Variants in ODAD3 observed in about 807,000 individuals in gnomAD.
The protein encoded by ODAD3 is outer dynein arm docking complex subunit 3.
A neutral mutation model predicts 70.9 loss-of-function variants in ODAD3; 57 were observed. The observed-to-expected ratio is 0.80, with a 90% CI of 0.65 to 1.00. The LOEUF (loss-of-function observed/expected upper bound fraction) is 1.00. Ranked by LOEUF, ODAD3 falls within the 50% of genes least tolerant of loss-of-function variation. The pLI is 0.00. For synonymous variants in ODAD3, 327 were observed against 315.9 expected (o/e 1.04, Z -0.37); for missense variants, 797 against 763.9 (o/e 1.04, Z -0.51).
At position 11,427,483 on chromosome 19, in the gene ODAD3, C is replaced by CT. The variant is rs376645668; in HGVS notation, c.445-444dup. Among the ~76,000 whole-genome samples, 309 of 108,426 alleles carry CT rather than the reference C, an allele frequency of 2.8e-3. 1 individual carries two copies. The highest frequency in any genetic ancestry group is 9.4e-3 in the African/African-American group (276 of 29,410). 71.1% of individuals were successfully genotyped at this position (108,426 alleles called of 152,430 possible). A position where few individuals can be genotyped will look rare whatever the true frequency, so the allele number is the denominator to read the frequency against. ...CTAATTTTTGTTTTTGTTTTCTTTTCTTTTTTTTTTTTTTTTGAAACGGAG... is the reference window on the plus strand; with the variant it reads ...CTAATTTTTGTTTTTGTTTTCTTTTCTTTTTTTTTTTTTTTTTGAAACGGAG... On this transcript the variant is annotated intron_variant, in intron 3 of 12. Coordinates refer to ENST00000356392, the MANE Select transcript of ODAD3 (RefSeq NM_145045.5).
rs1160153492 is a variant in ODAD3 at position 11,422,746 on chromosome 19, C to T, written c.1232G>A (p.Arg411Gln). 6.2e-7 allele frequency: 1 copy of T among 1,612,696 alleles called. No individual in the cohort carries two copies. Residue 411 changes from arginine to glutamine, a missense_variant, in exon 9 of 13, where the codon CGG becomes CAG. Physicochemically the swap from Arg to Gln is conservative, Grantham distance 43. Coordinates refer to ENST00000356392, the MANE Select transcript of ODAD3 (RefSeq NM_145045.5). This position sits in a 1 kb window ranked among gnomAD's most constrained non-coding sequence, Gnocchi z 4.6. ...CGAGTACTTGAGGTCTTCCAGCTCC[C>T]GCTGCAGTTGTTGCTTCTCCTGCTT... ...RLKQEKQQLQ[R>Q]ELEDLKYSGE...
Position 11,424,966 on chromosome 19 carries a change from T to C in ODAD3, c.964-937A>G, listed in dbSNP as rs1014988399. On this transcript the variant is annotated intron_variant, in intron 7 of 12. Coordinates refer to ENST00000356392, the MANE Select transcript of ODAD3 (RefSeq NM_145045.5). Reference sequence around the variant, plus strand: ...ATATGTGTATATGTACATATGTGTATATATGTATATATGTGTATATGTACA... The same window carrying C: ...ATATGTGTATATGTACATATGTGTACATATGTATATATGTGTATATGTACA... Among the ~76,000 whole-genome samples, 3 of 121,946 alleles carry C rather than the reference T, an allele frequency of 2.5e-5. No homozygotes were observed. In the South Asian group the frequency reaches 7.3e-4, roughly 30 times the overall value. The allele number at this position is 121,946 out of a possible 152,430, so 80.0% of individuals were successfully genotyped here.
intron 7 of ODAD3, among the ~76,000 whole-genome samples, chr19:11,425,636 T>C (rs1969347380): frequency 7.1e-6 from 1 of 140,220 alleles, no homozygotes; most frequent in Admixed American, 7.0e-5. Flanking sequence ...CATATATGTA[T>C]ATATATGTAT....
chr19:11,425,249 ATGTATATGTACATATGTGTATATG>A (rs1969293686), intron 7 of ODAD3, among the ~76,000 whole-genome samples: 1 of 113,332 alleles, frequency 8.8e-6, no homozygotes, highest in African/African-American at 6.0e-5. Flanking sequence ...ATGTGTATAT[ATGTATATGTACATATGTGTATATG>A]TGTGTATATG....
At chr19:11,425,477 A>G (rs1023561239) in intron 7 of ODAD3, among the ~76,000 whole-genome samples, 6 of 140,418 alleles carry the variant, frequency 4.3e-5, no homozygotes, top group African/African-American at 5.6e-5. Context: ...ATATGTATAT[A>G]TGTGTGTATA....
At chr19:11,424,919 G>A (rs1343295327) in intron 7 of ODAD3, among the ~76,000 whole-genome samples, 19 of 107,104 alleles carry the variant, frequency 1.8e-4, no homozygotes, top group Non-Finnish European at 1.2e-4. Flanking sequence ...ATGTGTATAT[G>A]TACCTATGTG....
At chr19:11,430,220 C>G (rs1969474381) in intron 3 of ODAD3, among the ~76,000 whole-genome samples, 1 of 152,096 alleles carries the variant, frequency 6.6e-6, no homozygotes, top group Admixed American at 6.6e-5. Flanking sequence ...TCACTGCAAC[C>G]TCTGCCTCCC....
intron 7 of ODAD3, among the ~76,000 whole-genome samples, chr19:11,425,666 T>C (rs1372061977): frequency 3.0e-5 from 4 of 133,986 alleles, no homozygotes; most frequent in Admixed American, 7.1e-5. Context: ...TATATATATA[T>C]ATATGCAAAA....
At chr19:11,427,726 C>A (rs927082476) in intron 3 of ODAD3, among the ~76,000 whole-genome samples, 1 of 152,042 alleles carries the variant, frequency 6.6e-6, no homozygotes, top group Non-Finnish European at 1.5e-5. Context: ...AGGTGATCCA[C>A]CTGCCTCGGC....
At position 11,434,872 on chromosome 19, in the gene ODAD3, T is replaced by G. The variant is rs61742088; in HGVS notation, c.145A>C (p.Thr49Pro). 7,914 of 1,614,098 alleles carry G rather than the reference T, an allele frequency of 4.9e-3. 338 individuals carry two copies. In the African/African-American group the frequency reaches 0.09, roughly 18 times the overall value. Reference protein sequence around the residue: ...LRGKGTAQAWTPGRSKGGSFH... With the variant: ...LRGKGTAQAWPPGRSKGGSFH... Reference sequence around the variant, plus strand: ...GATCCTCCCTTGGAACGGCCTGGGGTCCACGCCTGGGCTGTGCCCTTGCCT... The same window carrying G: ...GATCCTCCCTTGGAACGGCCTGGGGGCCACGCCTGGGCTGTGCCCTTGCCT... The change falls in exon 1 of 13, where the codon ACC becomes CCC. Residue 49 changes from threonine to proline, a missense_variant. Transcript: ENST00000356392.
intron 10 of ODAD3, 62 bp from the exon 11 acceptor site, chr19:11,421,894 A>G: frequency 6.5e-7 from 1 of 1,539,576 alleles, no homozygotes; most frequent in Non-Finnish European, 8.7e-7. Flanking sequence ...GGCTCCACCC[A>G]GGGGCGGGGC....
Position 11,423,709 on chromosome 19 carries a change from C to T in ODAD3, c.1116+168G>A, listed in dbSNP as rs539459573. Among the ~76,000 whole-genome samples, 9 of 151,912 alleles carry T rather than the reference C, an allele frequency of 5.9e-5. No homozygotes were observed. The East Asian group carries it at 1.7e-3, about 29-fold the overall frequency. On this transcript the variant is annotated intron_variant, in intron 8 of 12. Coordinates refer to ENST00000356392, the MANE Select transcript of ODAD3 (RefSeq NM_145045.5). Reference sequence around the variant, plus strand: ...GGGCAGCAGAAAAACTGAACGGTAGCTGGAGGGGGAAGGGATGTTTTTCAA... The same window carrying T: ...GGGCAGCAGAAAAACTGAACGGTAGTTGGAGGGGGAAGGGATGTTTTTCAA...
intron 7 of ODAD3, among the ~76,000 whole-genome samples, chr19:11,425,061 G>C (rs923028501): frequency 7.9e-5 from 10 of 126,258 alleles, no homozygotes; most frequent in Admixed American, 6.6e-4. Flanking sequence ...ATGTGTATAT[G>C]TGTATATATG....
chr19:11,427,300 GTT>G (rs775694846), intron 3 of ODAD3, among the ~76,000 whole-genome samples: 1 of 141,740 alleles, frequency 7.1e-6, no homozygotes, highest in Non-Finnish European at 1.5e-5. Context: ...TCTTTCTTTC[GTT>G]TTTTTTTTTT....
Position 11,422,131 on chromosome 19 carries a change from A to G in ODAD3, c.1435-299T>C, listed in dbSNP as rs2144754460. On this transcript the variant is annotated intron_variant, in intron 10 of 12. Coordinates refer to ENST00000356392, the MANE Select transcript of ODAD3 (RefSeq NM_145045.5). This position sits in a 1 kb window ranked among gnomAD's most constrained non-coding sequence, Gnocchi z 4.6. The stretch of plus-strand genomic sequence containing the variant: ...AATGGCCCTCTGCTGCGGGCAGGAT[A>G]GGTCTTCTGTCTCGGGCTGCTCCAG... Among the ~76,000 whole-genome samples, 1 of 152,308 alleles carries G rather than the reference A, an allele frequency of 6.6e-6. No homozygotes were observed. Among genetic ancestry groups the G allele is most frequent in the East Asian group, 1.9e-4 (1 of 5,188 alleles).
In ODAD3 at chr19:11,423,897, T is replaced by C. The variant is rs1411604888; in HGVS notation, c.1096A>G (p.Thr366Ala). Residue 366 changes from threonine (T) to alanine (A), a missense_variant, in exon 8 of 13, where the codon ACT becomes GCT. Thr to Ala is a moderately conservative substitution (Grantham distance 58). Coordinates refer to ENST00000356392, the MANE Select transcript of ODAD3 (RefSeq NM_145045.5). The part of the protein sequence containing the change: ...EVIFGKVKDA[T>A]GTDETHSLVR... Reference sequence around the variant, plus strand: ...CTCACGTGCGTCTCGTCAGTGCCAGTGGCGTCCTTGACCTTGCCAAAGATC... The same window carrying C: ...CTCACGTGCGTCTCGTCAGTGCCAGCGGCGTCCTTGACCTTGCCAAAGATC... 5.6e-6 allele frequency: 9 copies of C among 1,611,938 alleles called. No homozygotes were observed. The highest frequency in any genetic ancestry group is 7.6e-6 in the Non-Finnish European group (9 of 1,179,696).
Position 11,420,902 on chromosome 19 carries a change from G to A in ODAD3, c.1721C>T (p.Ser574Leu), listed in dbSNP as rs1183494834. The A allele has an allele frequency of 5.0e-6, 8 of 1,613,958 alleles. No individual in the cohort carries two copies. The highest frequency in any genetic ancestry group is 5.9e-6 in the Non-Finnish European group (7 of 1,179,966). Residue 574 changes from serine to leucine, a missense_variant, in exon 13 of 13, where the codon TCA becomes TTA. Transcript: ENST00000356392. Reference protein sequence around the residue: ...EEDNEVVTRASLKIRSQKLIE... With the variant: ...EEDNEVVTRALLKIRSQKLIE... ...TAATTTCTGGGAACGGATCTTGAGT[G>A]ATGCGCGGGTCACTACCTCGTTGTC...
chr19:11,433,826 C>T (rs1023959820), intron 1 of ODAD3, among the ~76,000 whole-genome samples: 1 of 152,074 alleles, frequency 6.6e-6, no homozygotes, highest in East Asian at 1.9e-4. Context: ...ACTCAGGAGG[C>T]TGAGGTGGAA....
At position 11,435,026 on chromosome 19, in the gene ODAD3, G is replaced by A; in HGVS notation, c.-10C>T. On this transcript the variant is annotated 5_prime_UTR_variant, in exon 1 of 13. Coordinates refer to ENST00000356392, the MANE Select transcript of ODAD3 (RefSeq NM_145045.5). ...ACAGAGGAGATGTCATGATGGGGTTGGGGCTGAAGGCCCCTAGGGGTTAGG... is the reference window on the plus strand; with the variant it reads ...ACAGAGGAGATGTCATGATGGGGTTAGGGCTGAAGGCCCCTAGGGGTTAGG... 1 of 1,605,536 alleles carries A rather than the reference G, an allele frequency of 6.2e-7. No individual in the cohort carries two copies.
Sources: allele counts gnomAD v4.1 joint callset (sites outside exome capture counted in the v4.1 genomes callset), GRCh38; gene constraint gnomAD v4.1.1; non-coding constraint Gnocchi (gnomAD v3.1); transcripts MANE v1.5; gene names NCBI Gene and HGNC (gene_info 2026-07-23, HGNC 2026-07-21).